SEMA3D: variants seen among roughly 807,000 people sequenced by gnomAD.
SEMA3D encodes the protein semaphorin 3D.
In SEMA3D, 84 loss-of-function variants were observed where a neutral mutation model predicts 100.1. The ratio of observed to expected loss-of-function variants is 0.84; its 90% CI spans 0.70 to 1.01. The LOEUF (loss-of-function observed/expected upper bound fraction) is 1.01. SEMA3D is among the 50% of genes least tolerant of loss of function. SEMA3D has a pLI of 0.00. For synonymous variants in SEMA3D, 312 were observed against 320.7 expected, an observed-to-expected ratio of 0.97 and a Z score of 0.29; for missense variants, 875 against 934.1, an observed-to-expected ratio of 0.94 and a Z score of 0.82.
intron 3 of SEMA3D, among the ~76,000 whole-genome samples, chr7:85,109,280 G>A (rs1789021033): frequency 6.6e-6 from 1 of 151,968 alleles, no homozygotes; most frequent in Non-Finnish European, 1.5e-5. Flanking sequence ...TCATGTGACA[G>A]AAAGAGCTCA....
intron 11 of SEMA3D, among the ~76,000 whole-genome samples, chr7:85,038,119 G>A (rs1413387040): frequency 1.3e-5 from 2 of 151,994 alleles, no homozygotes; most frequent in Admixed American, 6.6e-5. Flanking sequence ...ACTGGGTGCA[G>A]CACACCAACA....
intron 3 of SEMA3D, among the ~76,000 whole-genome samples, chr7:85,110,800 A>G (rs1032195571): frequency 1.3e-5 from 2 of 152,016 alleles, no homozygotes; most frequent in African/African-American, 4.8e-5. Flanking sequence ...TTGCTTCTCC[A>G]GCTAATGCCT....
chr7:85,172,762 G>T (rs1791119155), intron 1 of SEMA3D, among the ~76,000 whole-genome samples: 1 of 152,050 alleles, frequency 6.6e-6, no homozygotes, highest in Non-Finnish European at 1.5e-5. Flanking sequence ...AGAGCAAGTT[G>T]AGCACTGGTG....
chr7:85,039,469 G>A (rs1790794342), intron 11 of SEMA3D, among the ~76,000 whole-genome samples: 1 of 152,140 alleles, frequency 6.6e-6, no homozygotes, highest in African/African-American at 2.4e-5. Flanking sequence ...ATGCTGGGGA[G>A]GCTGGTCTCA....
At chr7:85,115,517 C>T (rs1321961234) in intron 3 of SEMA3D, among the ~76,000 whole-genome samples, 1 of 152,100 alleles carries the variant, frequency 6.6e-6, no homozygotes, top group African/African-American at 2.4e-5. Flanking sequence ...TTAAAGAAAC[C>T]GGAGTTTCCC....
intron 12 of SEMA3D, chr7:85,028,035 G>T: frequency 3.4e-6 from 2 of 583,586 alleles, no homozygotes; most frequent in South Asian, 3.1e-5. Flanking sequence ...GGCTTTTGAT[G>T]CCAAATGTCT....
chr7:85,137,633 A>G (rs141092252), intron 2 of SEMA3D, among the ~76,000 whole-genome samples: 7 of 152,050 alleles, frequency 4.6e-5, no homozygotes, highest in Admixed American at 1.3e-4. Flanking sequence ...ATAGACTTCA[A>G]TCCTGGAAAT....
chr7:85,168,873 G>GAA (rs983636407), intron 1 of SEMA3D, among the ~76,000 whole-genome samples: 1 of 133,526 alleles, frequency 7.5e-6, no homozygotes, highest in Non-Finnish European at 1.6e-5. Context: ...AAGAAAGAAA[G>GAA]AAAGAAAAGA....
chr7:85,116,398 A>C (rs1789247595), intron 3 of SEMA3D, among the ~76,000 whole-genome samples: 1 of 147,062 alleles, frequency 6.8e-6, no homozygotes, highest in Non-Finnish European at 1.5e-5. Flanking sequence ...ATACATAAAT[A>C]TATACATATA....
At chr7:85,056,575 G>T (rs1791323984) in intron 8 of SEMA3D, among the ~76,000 whole-genome samples, 1 of 149,934 alleles carries the variant, frequency 6.7e-6, no homozygotes, top group South Asian at 2.1e-4. Flanking sequence ...CTTTTTATAT[G>T]TGTATATATG....
intron 1 of SEMA3D, among the ~76,000 whole-genome samples, chr7:85,183,983 CT>C (rs377003247): frequency 8.7e-5 from 13 of 149,134 alleles, no homozygotes; most frequent in South Asian, 2.1e-4. Context: ...AATTCTTTTT[CT>C]TTTTTTTTTC....
the SEMA3D span, among the ~76,000 whole-genome samples, chr7:85,244,588 G>T: frequency 6.6e-6 from 1 of 152,116 alleles, no homozygotes; most frequent in African/African-American, 2.4e-5. Context: ...CAGGAGGTAT[G>T]TGTCAGTCTA....
chr7:85,005,449 C>T (rs1481425725), intron 18 of SEMA3D, among the ~76,000 whole-genome samples: 2 of 151,676 alleles, frequency 1.3e-5, no homozygotes, highest in Non-Finnish European at 2.9e-5. Flanking sequence ...GTTTTATTGG[C>T]GAAATTTGAC....
intron 4 of SEMA3D, among the ~76,000 whole-genome samples, chr7:85,094,518 T>C (rs1167820290): frequency 2.0e-5 from 3 of 152,004 alleles, no homozygotes; most frequent in Non-Finnish European, 1.5e-5. Flanking sequence ...TGCCTAATAC[T>C]GCTTCCTAGC....
At chr7:85,082,388 T>C (rs1352358732) in intron 4 of SEMA3D, among the ~76,000 whole-genome samples, 1 of 152,220 alleles carries the variant, frequency 6.6e-6, no homozygotes, top group Non-Finnish European at 1.5e-5. Flanking sequence ...AGGAAGTTTT[T>C]GTAGGAATTC....
At position 85,022,551 on chromosome 7, in the gene SEMA3D, G is replaced by A. The variant is rs1790285368; in HGVS notation, c.1254C>T (p.Ile418=). The A allele has an allele frequency of 6.2e-7, 1 of 1,612,408 alleles. No homozygotes were observed. The highest frequency in any genetic ancestry group is 8.5e-7 in the Non-Finnish European group (1 of 1,178,992). The change falls in exon 13 of 19, where the codon ATC becomes ATT. Residue 418 remains isoleucine (I), a synonymous_variant. Transcript: ENST00000284136. ...KSTRDFPDDV[I]SFIKRHSVMY... ...TCACAGAGTGCCGCTTTATGAAACTGATGACATCATCTGGAAAATCTCGGG... is the reference window on the plus strand; with the variant it reads ...TCACAGAGTGCCGCTTTATGAAACTAATGACATCATCTGGAAAATCTCGGG...
chr7:85,070,511 T>C (rs1487892209), intron 6 of SEMA3D, among the ~76,000 whole-genome samples: 1 of 152,178 alleles, frequency 6.6e-6, no homozygotes, highest in East Asian at 1.9e-4. Context: ...CTTATTTATT[T>C]GAAAATGGAA....
chr7:85,171,785 ATGAG>A (rs1791089290), intron 1 of SEMA3D, among the ~76,000 whole-genome samples: 1 of 152,098 alleles, frequency 6.6e-6, no homozygotes, highest in Non-Finnish European at 1.5e-5. Context: ...TACATAAGGA[ATGAG>A]TGAATTTATA....
rs748013531 is a variant in SEMA3D, at chr7:85,018,343, A to G, written c.1504-50T>C. 2.7e-6 allele frequency: 3 copies of G among 1,128,240 alleles called. No homozygotes were observed. The South Asian group carries it at 3.8e-5, about 14-fold the overall frequency. The allele number at this position is 1,128,240 out of a possible 1,614,324, so 69.9% of individuals were successfully genotyped here. A position where few individuals can be genotyped will look rare whatever the true frequency, so the allele number is the denominator to read the frequency against. ...TAAAGATAATCATTAACAGGTTTTTATATTAAACAATATGTTGTTTTATCT... is the reference window on the plus strand; with the variant it reads ...TAAAGATAATCATTAACAGGTTTTTGTATTAAACAATATGTTGTTTTATCT... On this transcript the variant is annotated intron_variant, in intron 14 of 18. Coordinates refer to ENST00000284136, the MANE Select transcript of SEMA3D (RefSeq NM_001384900.1).
Sources: gnomAD v4.1 joint callset for allele counts (sites outside exome capture counted in the v4.1 genomes callset) on GRCh38, gnomAD v4.1.1 for gene constraint, MANE v1.5 for transcripts, NCBI Gene and HGNC (gene_info 2026-07-23, HGNC 2026-07-21) for gene names.